The following GGA3 variants were observed in gnomAD, a reference collection of about 807,000 sequenced individuals.
GGA3 encodes the protein golgi associated, gamma adaptin ear containing, ARF binding protein 3, also known as ADP-ribosylation factor-binding protein GGA3.
In GGA3, 57 loss-of-function variants were observed where a neutral mutation model predicts 77.5. The observed-to-expected ratio is 0.74, with a 90% CI of 0.59 to 0.92. The LOEUF is 0.92. Among genes scored for constraint, GGA3 ranks in the 40% least tolerant of loss-of-function variants. The probability of loss-of-function intolerance (pLI) is 0.00; values close to 1 mark genes in which losing one functional copy is unlikely to be tolerated. For synonymous variants in GGA3, 416 were observed against 383.7 expected (o/e 1.08, Z -0.98); for missense variants, 970 against 914.9 (o/e 1.06, Z -0.78).
In GGA3 at chr17:75,241,664, C is replaced by T. The variant is rs762725055; in HGVS notation, c.780G>A (p.Arg260=). ...TCTCACTGGCGAGTTTAAATAAAGTCCGCCTCTTGTTCTCACACTGATCAA... is the reference window on the plus strand; with the variant it reads ...TCTCACTGGCGAGTTTAAATAAAGTTCGCCTCTTGTTCTCACACTGATCAA... ...ELFDQCENKR[R]TLFKLASETE... The change falls in exon 9 of 17, where the codon CGG becomes CGA. Residue 260 remains arginine (R), a synonymous_variant. Coordinates refer to ENST00000537686, the MANE Select transcript of GGA3 (RefSeq NM_138619.4). 3 of 1,613,992 alleles carry T rather than the reference C, an allele frequency of 1.9e-6. No homozygotes were observed. The highest frequency in any genetic ancestry group is 2.5e-6 in the Non-Finnish European group (3 of 1,179,990).
Position 75,261,540 on chromosome 17 carries a change from C to A in GGA3, c.40+8G>T, listed in dbSNP as rs553317835. On this transcript the variant is annotated splice_region_variant and intron_variant, in intron 1 of 16. Coordinates refer to ENST00000537686, the MANE Select transcript of GGA3 (RefSeq NM_138619.4). ...CGAGGGCAGGCAGAAACGGCCGCGG[C>A]TACTCACTGAGCCAGGACTCCAGGC... The A allele has an allele frequency of 1.3e-6, 2 of 1,525,232 alleles. No individual in the cohort carries two copies. The highest frequency in any genetic ancestry group is 1.8e-6 in the Non-Finnish European group (2 of 1,136,952). 94.5% of individuals were successfully genotyped at this position (1,525,232 alleles called of 1,614,324 possible). A position where few individuals can be genotyped will look rare whatever the true frequency, so the allele number is the denominator to read the frequency against.
chr17:75,261,394 G>C (rs536655084), intron 1 of GGA3, among the ~76,000 whole-genome samples, 154 bp downstream of exon 1: 1 of 152,370 alleles, frequency 6.6e-6, no homozygotes, highest in South Asian at 2.1e-4. Context: ...CCCTGATAGG[G>C]AAGGGGCGTG....
intron 1 of GGA3, among the ~76,000 whole-genome samples, chr17:75,254,895 G>A (rs1194195804): frequency 1.3e-5 from 2 of 152,048 alleles, no homozygotes; most frequent in African/African-American, 2.4e-5. Context: ...CCCGCAGCCC[G>A]GGATTCCTCC....
At chr17:75,258,680 A>G (rs2077238188) in intron 1 of GGA3, among the ~76,000 whole-genome samples, 1 of 152,166 alleles carries the variant, frequency 6.6e-6, no homozygotes, top group South Asian at 2.1e-4. Context: ...AAATAAATAA[A>G]TAAATAAAAT....
chr17:75,246,731 T>A lies in GGA3; in HGVS notation c.106A>T (p.Ile36Phe). The A allele has an allele frequency of 6.2e-7, 1 of 1,613,966 alleles. No individual in the cohort carries two copies. The highest frequency in any genetic ancestry group is 8.5e-7 in the Non-Finnish European group (1 of 1,179,866). Residue 36 changes from isoleucine to phenylalanine, a missense_variant, in exon 2 of 17, where the codon ATC becomes TTC. Physicochemically the swap from Ile to Phe is conservative, Grantham distance 21 (BLOSUM62 0). Transcript: ENST00000537686. ...WEYIIGFCDQINKELEGPQIA... is the reference protein window; with the variant it reads ...WEYIIGFCDQFNKELEGPQIA... The stretch of plus-strand genomic sequence containing the variant: ...ACTCACCCTTCCAGCTCCTTGTTGA[T>A]CTGATCACAGAAGCCAATTATGTAT...
intron 1 of GGA3, among the ~76,000 whole-genome samples, chr17:75,260,167 AAC>A (rs1470388446): frequency 6.6e-6 from 1 of 152,170 alleles, no homozygotes; most frequent in African/African-American, 2.4e-5. Flanking sequence ...AAGTAACAAA[AAC>A]AAAATGTAAC....
chr17:75,243,076 T>C lies in GGA3; in HGVS notation c.515A>G (p.Glu172Gly), dbSNP rs1035374360. The C allele has an allele frequency of 1.2e-6, 2 of 1,611,856 alleles. No homozygotes were observed. The highest frequency in any genetic ancestry group is 4.5e-5 in the East Asian group (2 of 44,872). ...GGTGTCCTTTACCTTGGACTTCTCC[T>C]CATCATCAAAAACAGGGTTTTTGGG... is the stretch of plus-strand genomic sequence containing the variant. Reference protein sequence around the residue: ...PRPKNPVFDDEEKSKLLAKLL... With the variant: ...PRPKNPVFDDGEKSKLLAKLL... Residue 172 changes from glutamate (E) to glycine (G), a missense_variant, in exon 6 of 17, where the codon GAG (glutamate) becomes GGG (glycine). Glu to Gly is a moderately conservative substitution (Grantham distance 98). Coordinates refer to ENST00000537686, the MANE Select transcript of GGA3 (RefSeq NM_138619.4).
chr17:75,262,345 C>T, upstream of GGA3: 3 of 843,818 alleles, frequency 3.6e-6, no homozygotes, highest in African/African-American at 1.7e-5. Context: ...CTACTTGGGA[C>T]AAGGGCCTGA....
chr17:75,248,845 G>A, intron 1 of GGA3: 1 of 979,970 alleles, frequency 1.0e-6, no homozygotes, highest in Non-Finnish European at 1.2e-6. Flanking sequence ...CTCACCAGCT[G>A]GATGAACACA....
upstream of GGA3, chr17:75,262,311 C>T (rs781171811): frequency 6.9e-6 from 5 of 728,856 alleles, no homozygotes; most frequent in Non-Finnish European, 1.1e-5. Context: ...GGAGACTTTA[C>T]CCGCCTGCTT....
intron 6 of GGA3, 28 bp from the exon 7 acceptor site, chr17:75,242,939 G>C (rs2076617400): frequency 6.3e-6 from 10 of 1,588,220 alleles, no homozygotes; most frequent in Non-Finnish European, 8.6e-6. Flanking sequence ...CAGAGGTGAA[G>C]GGAAGAGGCA....
rs142435406 is a variant in GGA3 at position 75,240,905 on chromosome 17, G to A, written c.1099C>T (p.Arg367Trp). 5.5e-5 allele frequency: 88 copies of A among 1,613,896 alleles called. No homozygotes were observed. In the Admixed American group the frequency reaches 8.0e-4, roughly 15 times the overall value. The change falls in exon 11 of 17, where the codon CGG (arginine) becomes TGG (tryptophan). Residue 367 changes from arginine (R) to tryptophan (W), a missense_variant. Coordinates refer to ENST00000537686, the MANE Select transcript of GGA3 (RefSeq NM_138619.4). Reference sequence around the variant, plus strand: ...TCGGCCTGGCTAGAGGAGCGGCTCCGTGGAGGTCCTGAGGCCTGGGGTGGT... The same window carrying A: ...TCGGCCTGGCTAGAGGAGCGGCTCCATGGAGGTCCTGAGGCCTGGGGTGGT... ...PPPPQASGPPRSRSSSQAEAT... is the reference protein window; with the variant it reads ...PPPPQASGPPWSRSSSQAEAT...
At position 75,247,787 on chromosome 17, in the gene GGA3, A is replaced by G. The variant is rs1598417021; in HGVS notation, c.41-991T>C. 2.0e-5 allele frequency among the ~76,000 whole-genome samples: 3 copies of G among 152,268 alleles called. No homozygotes were observed. In the East Asian group the frequency reaches 5.8e-4, roughly 29 times the overall value. ...ATGGTCAAGCACAAACACAAGTACT[A>G]GAGTTCTCAGAGGGCCCCTGGGATT... On this transcript the variant is annotated intron_variant, in intron 1 of 16. Transcript: ENST00000537686.
At chr17:75,256,120 G>A (rs1159321917) in intron 1 of GGA3, among the ~76,000 whole-genome samples, 2 of 152,062 alleles carry the variant, frequency 1.3e-5, no homozygotes, top group Non-Finnish European at 1.5e-5. Context: ...TGGTTAGTGT[G>A]TCAGAATTCT....
At position 75,258,561 on chromosome 17, in the gene GGA3, T is replaced by G. The variant is rs1010820935; in HGVS notation, c.40+2987A>C. Among the ~76,000 whole-genome samples, 3 of 152,264 alleles carry G rather than the reference T, an allele frequency of 2.0e-5. No individual in the cohort carries two copies. The East Asian group carries it at 5.8e-4, about 29-fold the overall frequency. ...GGCACATACCAGTAGTCCCAGCTAC[T>G]TGGGAGGCTGAGGATGGAGAATTGC... On this transcript the variant is annotated intron_variant, in intron 1 of 16. Coordinates refer to ENST00000537686, the MANE Select transcript of GGA3 (RefSeq NM_138619.4).
At position 75,238,140 on chromosome 17, in the gene GGA3, C is replaced by T. The variant is rs1437142442; in HGVS notation, c.*139G>A. 6.9e-7 allele frequency: 1 copy of T among 1,445,982 alleles called. No homozygotes were observed. The highest frequency in any genetic ancestry group is 2.7e-5 in the Admixed American group (1 of 37,416). 89.6% of individuals were successfully genotyped at this position (1,445,982 alleles called of 1,614,324 possible). On this transcript the variant is annotated 3_prime_UTR_variant, in exon 17 of 17. Transcript: ENST00000537686. ...ATCACAGCAGCAGTTTGGTTCTCAG[C>T]AGAAATGCCCAGGGCCCCTGTTCCA...
In GGA3 at chr17:75,238,949, C is replaced by T. The variant is rs1351554662; in HGVS notation, c.1915G>A (p.Val639Ile). The T allele has an allele frequency of 1.9e-6, 3 of 1,614,102 alleles. No homozygotes were observed. The highest frequency in any genetic ancestry group is 1.1e-5 in the South Asian group (1 of 91,086). Residue 639 changes from valine (V) to isoleucine (I), a missense_variant, in exon 15 of 17, where the codon GTC (valine) becomes ATC (isoleucine). By Grantham distance (29) the Val-to-Ile change is conservative. Transcript: ENST00000537686. ...GCAGCCTGCAGCACGATGCTCTTGA[C>T]AGGTAAGGGAGCCGTGTTCAGCATG... ...VSMLNTAPLP[V>I]KSIVLQAAVP... is the part of the protein sequence containing the mutation.
At chr17:75,258,627 G>GC (rs1233847792) in intron 1 of GGA3, among the ~76,000 whole-genome samples, 1 of 152,150 alleles carries the variant, frequency 6.6e-6, no homozygotes, top group East Asian at 1.9e-4. Flanking sequence ...CCGAGATTGT[G>GC]CCACTGCATT....
chr17:75,260,491 TTC>T (rs1332159912), intron 1 of GGA3, among the ~76,000 whole-genome samples: 3 of 152,224 alleles, frequency 2.0e-5, no homozygotes, highest in Admixed American at 6.5e-5. Flanking sequence ...ATCTTACTTT[TTC>T]TCTCTTTTGG....
Sources: gnomAD v4.1 joint callset for allele counts (sites outside exome capture counted in the v4.1 genomes callset) on GRCh38, gnomAD v4.1.1 for gene constraint, MANE v1.5 for transcripts, NCBI Gene and HGNC (gene_info 2026-07-23, HGNC 2026-07-21) for gene names.